Variants in BBS1 observed in about 807,000 individuals in gnomAD.
The protein encoded by BBS1 is BBSome complex member BBS1.
A neutral mutation model predicts 73.9 loss-of-function variants in BBS1; 60 were observed. The ratio of observed to expected loss-of-function variants is 0.81; its 90% CI spans 0.66 to 1.01. The LOEUF (loss-of-function observed/expected upper bound fraction) is 1.01, where lower values mean the gene tolerates loss of function less well. Ranked by LOEUF, BBS1 falls within the 50% of genes least tolerant of loss-of-function variation. The pLI is 0.00. For synonymous variants in BBS1, 283 were observed against 317.4 expected, an observed-to-expected ratio of 0.89 and a Z score of 1.15; for missense variants, 718 against 770.3, an observed-to-expected ratio of 0.93 and a Z score of 0.80.
intron 16 of BBS1, 103 bp from the exon 17 acceptor site, chr11:66,531,848 G>C (rs1856797336): frequency 1.1e-5 from 17 of 1,603,618 alleles, no homozygotes; most frequent in African/African-American, 1.3e-5. Context: ...GGGGGTGGGG[G>C]TATCTGCACA....
chr11:66,530,547 A>G (rs1565290262), intron 14 of BBS1, among the ~76,000 whole-genome samples: 1 of 152,170 alleles, frequency 6.6e-6, no homozygotes, highest in Non-Finnish European at 1.5e-5. Flanking sequence ...AGAGGCTACA[A>G]GGCAACTCTG....
chr11:66,528,989 A>C (rs917518184), intron 13 of BBS1: 13 of 634,624 alleles, frequency 2.0e-5, no homozygotes, highest in Non-Finnish European at 2.5e-5. Flanking sequence ...AAAAAAAAAA[A>C]GGAAGAAAAT....
chr11:66,531,847 G>A, intron 16 of BBS1, 104 bp from the exon 17 acceptor site: 1 of 1,603,912 alleles, frequency 6.2e-7, no homozygotes, highest in Non-Finnish European at 8.5e-7. Context: ...TGGGGGTGGG[G>A]GTATCTGCAC....
rs192214067 is a variant in BBS1, at chr11:66,530,780, A to G, written c.1474-114A>G. On this transcript the variant is annotated intron_variant, in intron 14 of 16. Transcript: ENST00000318312. ...GTCTTCTGTGTCTGCTGGGAGGCAGATTGAGTAGGAGGAGGGGACATGAGG... is the reference window on the plus strand; with the variant it reads ...GTCTTCTGTGTCTGCTGGGAGGCAGGTTGAGTAGGAGGAGGGGACATGAGG... 1,958 of 1,455,718 alleles carry G rather than the reference A, an allele frequency of 1.3e-3. 27 individuals are homozygous for G. The East Asian group carries it at 0.037, about 28-fold the overall frequency. 90.2% of individuals were successfully genotyped at this position (1,455,718 alleles called of 1,614,324 possible).
intron 13 of BBS1, 162 bp downstream of exon 13, chr11:66,526,969 C>G: frequency 6.4e-7 from 1 of 1,552,600 alleles, no homozygotes; most frequent in Non-Finnish European, 8.7e-7. Flanking sequence ...AGGAGGTACA[C>G]GTTGCCTGCA....
At chr11:66,523,401 C>T in intron 9 of BBS1, 55 bp from the exon 10 acceptor site, 1 of 1,613,694 alleles carries the variant, frequency 6.2e-7, no homozygotes, top group Non-Finnish European at 8.5e-7. Context: ...GAGGGTCAGC[C>T]ATAGAAGTGG....
intron 13 of BBS1, among the ~76,000 whole-genome samples, chr11:66,528,574 G>A (rs1856617105): frequency 1.3e-5 from 2 of 152,178 alleles, no homozygotes; most frequent in African/African-American, 4.8e-5. Context: ...CTGAACATGT[G>A]GAAAGTCAGA....
Position 66,523,717 on chromosome 11 carries a change from C to G in BBS1, c.952-7C>G, listed in dbSNP as rs1590767187. On this transcript the variant is annotated splice_polypyrimidine_tract_variant and splice_region_variant and intron_variant, in intron 10 of 16. Coordinates refer to ENST00000318312, the MANE Select transcript of BBS1 (RefSeq NM_024649.5). ...GCCCTCCACAGACGCTGGCTGTTCCCTGCCAGGGGAAGAAGCTGTGGACAG... is the reference window on the plus strand; with the variant it reads ...GCCCTCCACAGACGCTGGCTGTTCCGTGCCAGGGGAAGAAGCTGTGGACAG... 1.2e-5 allele frequency: 20 copies of G among 1,610,938 alleles called. No homozygotes were observed. Among genetic ancestry groups the G allele is most frequent in the Non-Finnish European group, 1.5e-5 (18 of 1,179,986 alleles).
intron 7 of BBS1, among the ~76,000 whole-genome samples, chr11:66,517,911 C>A (rs1856087071): frequency 6.8e-6 from 1 of 146,992 alleles, no homozygotes; most frequent in Admixed American, 6.8e-5. Context: ...AGCCTATATT[C>A]ATATATTTTT....
Position 66,523,294 on chromosome 11 carries a change from A to C in BBS1, c.831-162A>C, listed in dbSNP as rs888537312. On this transcript the variant is annotated intron_variant, in intron 9 of 16. Coordinates refer to ENST00000318312, the MANE Select transcript of BBS1 (RefSeq NM_024649.5). ...GACACACTTGATGTTTTCCAAGGCC[A>C]CACATTTACTAAGGTGGCAGAAGTG... 7 of 977,822 alleles carry C rather than the reference A, an allele frequency of 7.2e-6. No individual in the cohort carries two copies. In the Admixed American group the frequency reaches 1.3e-4, roughly 18 times the overall value. The allele number at this position is 977,822 out of a possible 1,614,324, so 60.6% of individuals were successfully genotyped here. A position where few individuals can be genotyped will look rare whatever the true frequency, so the allele number is the denominator to read the frequency against.
At chr11:66,522,195 C>T (rs138342297) in intron 9 of BBS1, among the ~76,000 whole-genome samples, 2,986 of 147,154 alleles carry the variant, frequency 0.02, 87 homozygotes, top group African/African-American at 0.071. Context: ...CCAGCCTGGG[C>T]ACAGAGCGAG....
chr11:66,519,775 C>G (rs757553071), intron 8 of BBS1, 27 bp downstream of exon 8: 55 of 1,611,014 alleles, frequency 3.4e-5, no homozygotes, highest in Non-Finnish European at 4.5e-5. Flanking sequence ...GCCCTGGGCC[C>G]GCTGGAGGCC....
chr11:66,523,644 C>G, intron 10 of BBS1, 68 bp downstream of exon 10: 1 of 1,611,838 alleles, frequency 6.2e-7, no homozygotes, highest in Non-Finnish European at 8.5e-7. Context: ...CAAGAGAGTC[C>G]TCTGGCTTCC....
At chr11:66,529,097 C>T (rs2134826158) in intron 13 of BBS1, 1 of 981,738 alleles carries the variant, frequency 1.0e-6, no homozygotes, top group Non-Finnish European at 1.2e-6. Flanking sequence ...ATGTGAAACT[C>T]TTGAATGGCA....
intron 15 of BBS1, 141 bp downstream of exon 15, chr11:66,531,169 A>G: frequency 8.1e-7 from 1 of 1,227,434 alleles, no homozygotes; most frequent in Non-Finnish European, 1.2e-6. Flanking sequence ...CTCCCACCAC[A>G]GACCAGGCCA....
At position 66,526,755 on chromosome 11, in the gene BBS1, A is replaced by G. The variant is rs1278516168; in HGVS notation, c.1287A>G (p.Arg429=). 1 of 1,614,242 alleles carries G rather than the reference A, an allele frequency of 6.2e-7. No individual in the cohort carries two copies. The change falls in exon 13 of 17, where the codon CGA becomes CGG. Residue 429 remains arginine (R), a synonymous_variant. Coordinates refer to ENST00000318312, the MANE Select transcript of BBS1 (RefSeq NM_024649.5). ...AGGCCATGAAACTCAATGTGCCCCG[A>G]AAGACCCGGCTTTACGTGGATCAGA... is the stretch of plus-strand genomic sequence containing the variant. ...PAQAMKLNVP[R]KTRLYVDQTL...
intron 8 of BBS1, chr11:66,520,037 C>CTT (rs1856155200): frequency 2.8e-6 from 1 of 362,084 alleles, no homozygotes; most frequent in Non-Finnish European, 5.3e-6. Context: ...GCCCATGCCT[C>CTT]TAACCCTAGT....
chr11:66,515,686 C>G lies in BBS1; in HGVS notation c.480-7C>G. On this transcript the variant is annotated splice_polypyrimidine_tract_variant and splice_region_variant and intron_variant, in intron 5 of 16. Coordinates refer to ENST00000318312, the MANE Select transcript of BBS1 (RefSeq NM_024649.5). ...TTCGGCTGCCATGCTGGCCCCTTTC[C>G]TTGCAGGGAGACGGCAGAGGAGCCT... 4 of 1,614,206 alleles carry G rather than the reference C, an allele frequency of 2.5e-6. No homozygotes were observed. Among genetic ancestry groups the G allele is most frequent in the Non-Finnish European group, 3.4e-6 (4 of 1,180,034 alleles).
chr11:66,513,147 G>A (rs1004135869), intron 3 of BBS1, among the ~76,000 whole-genome samples: 7 of 151,702 alleles, frequency 4.6e-5, no homozygotes, highest in Middle Eastern at 3.4e-3. Context: ...TTACGGGAGC[G>A]CCAACGAGAA....
Sources: allele counts gnomAD v4.1 joint callset (sites outside exome capture counted in the v4.1 genomes callset), GRCh38; gene constraint gnomAD v4.1.1; transcripts MANE v1.5; gene names NCBI Gene and HGNC (gene_info 2026-07-23, HGNC 2026-07-21).